The following NECAB1 variants were observed in gnomAD, a reference collection of about 807,000 sequenced individuals.
The protein encoded by NECAB1 is N-terminal EF-hand calcium binding protein 1, also known as N-terminal EF-hand calcium-binding protein 1.
A neutral mutation model predicts 57.5 loss-of-function variants in NECAB1; 29 were observed. The observed-to-expected ratio is 0.50, with a 90% CI of 0.38 to 0.69. The LOEUF (loss-of-function observed/expected upper bound fraction) is 0.69. Among genes scored for constraint, NECAB1 ranks in the 30% least tolerant of loss-of-function variants. NECAB1 has a pLI of 0.00. For missense variants in NECAB1, 372 were observed against 413.8 expected, an observed-to-expected ratio of 0.90 and a Z score of 0.88; for synonymous variants, 142 against 147.7, an observed-to-expected ratio of 0.96 and a Z score of 0.28.
chr8:90,922,696 T>C (rs1810152928), intron 6 of NECAB1, among the ~76,000 whole-genome samples: 1 of 151,902 alleles, frequency 6.6e-6, no homozygotes, highest in Non-Finnish European at 1.5e-5. Flanking sequence ...TTTCACCATG[T>C]TGGCCAAGCT....
At chr8:90,844,686 C>T (rs914889855) in intron 3 of NECAB1, among the ~76,000 whole-genome samples, 1 of 152,190 alleles carries the variant, frequency 6.6e-6, no homozygotes, top group African/African-American at 2.4e-5. Context: ...TCCGGATTCA[C>T]CTGAATCTAA....
intron 3 of NECAB1, 23 bp downstream of exon 3, chr8:90,824,848 G>A: frequency 8.1e-7 from 1 of 1,240,082 alleles, no homozygotes; most frequent in South Asian, 1.5e-5. Flanking sequence ...TTTATCACTG[G>A]ATTCCACAAG....
At chr8:90,891,764 G>C (rs1362805511) in intron 5 of NECAB1, among the ~76,000 whole-genome samples, 1 of 151,728 alleles carries the variant, frequency 6.6e-6, no homozygotes, top group Non-Finnish European at 1.5e-5. Flanking sequence ...TGGGATCTCA[G>C]CTCATTGCAA....
intron 6 of NECAB1, among the ~76,000 whole-genome samples, 156 bp from the exon 7 acceptor site, chr8:90,925,379 A>G (rs1343785686): frequency 2.0e-5 from 3 of 152,254 alleles, no homozygotes; most frequent in Non-Finnish European, 4.4e-5. Flanking sequence ...GTACCAAATT[A>G]CATTGGGTTT....
chr8:90,914,424 G>A (rs1809903704), intron 5 of NECAB1, among the ~76,000 whole-genome samples: 1 of 152,222 alleles, frequency 6.6e-6, no homozygotes, highest in Admixed American at 6.5e-5. Flanking sequence ...GGAAGGATAA[G>A]TAGGAATATT....
intron 2 of NECAB1, among the ~76,000 whole-genome samples, chr8:90,809,588 T>C (rs1361246031): frequency 6.6e-6 from 1 of 152,220 alleles, no homozygotes; most frequent in Non-Finnish European, 1.5e-5. Context: ...GACGTGGACA[T>C]GTGCAAGGTT....
chr8:90,926,019 A>G (rs1046064985), intron 7 of NECAB1, among the ~76,000 whole-genome samples: 1 of 152,212 alleles, frequency 6.6e-6, no homozygotes, highest in African/African-American at 2.4e-5. Flanking sequence ...CCCTAAGCCT[A>G]TCCTAAGTTC....
At chr8:90,868,665 G>A (rs563642232) in intron 3 of NECAB1, among the ~76,000 whole-genome samples, 62 of 152,258 alleles carry the variant, frequency 4.1e-4, no homozygotes, top group Non-Finnish European at 8.4e-4. Context: ...TGGTTGCTTC[G>A]AACAGCATAT....
At chr8:90,906,887 A>ATGTATATATATATATATATGTATGTATG (rs199604237) in intron 5 of NECAB1, among the ~76,000 whole-genome samples, 24 of 121,660 alleles carry the variant, frequency 2.0e-4, no homozygotes, top group East Asian at 1.6e-3. Context: ...ATATATATAT[A>ATGTATATATATATATATATGTATGTATG]TATATATATA....
chr8:90,923,782 T>C (rs1459661101), intron 6 of NECAB1, among the ~76,000 whole-genome samples: 1 of 152,160 alleles, frequency 6.6e-6, no homozygotes, highest in African/African-American at 2.4e-5. Flanking sequence ...GAAATTATGA[T>C]TGCAAAAATT....
intron 10 of NECAB1, among the ~76,000 whole-genome samples, chr8:90,946,097 T>C (rs1223903110): frequency 6.6e-6 from 1 of 152,236 alleles, no homozygotes; most frequent in Non-Finnish European, 1.5e-5. Flanking sequence ...GTGTGATCAT[T>C]GTGTGTCATT....
rs187375118 is a variant in NECAB1, at chr8:90,915,492, C to T, written c.358-2000C>T. On this transcript the variant is annotated intron_variant, in intron 5 of 12. Transcript: ENST00000417640. ...GCATGTAATGGTTATGTTTAGTTTACGGTTAGTTTCTTAAATGGAGTTTAA... is the reference window on the plus strand; with the variant it reads ...GCATGTAATGGTTATGTTTAGTTTATGGTTAGTTTCTTAAATGGAGTTTAA... Among the ~76,000 whole-genome samples the T allele has an allele frequency of 2.5e-3, 380 of 152,038 alleles. 1 individual carries two copies. Among genetic ancestry groups the T allele is most frequent in the African/African-American group, 2.8e-3 (115 of 41,492 alleles).
At chr8:90,798,190 T>C (rs1563490082) in intron 1 of NECAB1, among the ~76,000 whole-genome samples, 1 of 152,216 alleles carries the variant, frequency 6.6e-6, no homozygotes, top group Non-Finnish European at 1.5e-5. Context: ...TCTCTGAATT[T>C]CTCTCCTTGT....
chr8:90,920,591 G>A (rs958841322), intron 6 of NECAB1, among the ~76,000 whole-genome samples: 20 of 152,248 alleles, frequency 1.3e-4, no homozygotes, highest in Middle Eastern at 3.4e-3. Flanking sequence ...AGAGGGATCC[G>A]TCTCACCCAT....
At chr8:90,930,889 A>G (rs1810387547) in intron 8 of NECAB1, among the ~76,000 whole-genome samples, 2 of 152,246 alleles carry the variant, frequency 1.3e-5, no homozygotes, top group South Asian at 4.1e-4. Flanking sequence ...CATTTGCTAA[A>G]TAAGTCCAGA....
In NECAB1 at chr8:90,847,033, TAACTC is replaced by T. The variant is rs536970695; in HGVS notation, c.233+22210_233+22214del. Among the ~76,000 whole-genome samples, 229 of 152,348 alleles carry T rather than the reference TAACTC, an allele frequency of 1.5e-3. 1 individual carries two copies. Among genetic ancestry groups the T allele is most frequent in the African/African-American group, 5.3e-3 (222 of 41,584 alleles). ...CCCTTCCAACAGTCCCCCAAAGTCT[TAACTC>T]ATTCCAGTATTAATTCAAAAGCTCA... On this transcript the variant is annotated intron_variant, in intron 3 of 12. Transcript: ENST00000417640.
chr8:90,843,725 C>G (rs1169643727), intron 3 of NECAB1, among the ~76,000 whole-genome samples: 1 of 152,208 alleles, frequency 6.6e-6, no homozygotes. Flanking sequence ...AATGCAAAAT[C>G]TAGTATCATT....
chr8:90,953,484 A>G (rs983085853), intron 12 of NECAB1, among the ~76,000 whole-genome samples: 9 of 152,214 alleles, frequency 5.9e-5, no homozygotes, highest in Admixed American at 2.6e-4. Flanking sequence ...CCTATTTTGT[A>G]TTAATTTCAT....
intron 6 of NECAB1, among the ~76,000 whole-genome samples, chr8:90,919,072 T>A (rs969833323): frequency 6.6e-6 from 1 of 152,078 alleles, no homozygotes; most frequent in African/African-American, 2.4e-5. Flanking sequence ...ACTGAGAAAA[T>A]AAGTAGTCAT....
Sources: allele counts gnomAD v4.1 joint callset (sites outside exome capture counted in the v4.1 genomes callset), GRCh38; gene constraint gnomAD v4.1.1; transcripts MANE v1.5; gene names NCBI Gene and HGNC (gene_info 2026-07-23, HGNC 2026-07-21).